Variants in CSNK2A2IP observed in about 807,000 individuals in gnomAD.
CSNK2A2IP encodes the protein casein kinase II subunit alpha'-interacting protein.
the CSNK2A2IP span, among the ~76,000 whole-genome samples, chr3:88,382,282 T>C: frequency 2.0e-5 from 3 of 152,162 alleles, no homozygotes; most frequent in Admixed American, 1.3e-4. Context: ...GACATCAGTA[T>C]TGAGGAAATG....
the CSNK2A2IP span, among the ~76,000 whole-genome samples, chr3:88,449,882 G>T: frequency 1.1e-3 from 153 of 137,918 alleles, 1 homozygote; most frequent in African/African-American, 3.8e-3. Context: ...TATAGAGAGA[G>T]AGAGAGAGAG....
At chr3:88,398,210 T>A in the CSNK2A2IP span, among the ~76,000 whole-genome samples, 1,814 of 152,234 alleles carry the variant, frequency 0.012, 33 homozygotes, top group African/African-American at 0.042. Flanking sequence ...TTATGCAAAA[T>A]GTCTATGGAA....
the CSNK2A2IP span, among the ~76,000 whole-genome samples, chr3:88,403,668 A>G: frequency 2.0e-5 from 3 of 152,246 alleles, no homozygotes; most frequent in East Asian, 5.8e-4. Context: ...ATTATCTTGT[A>G]TGATTTTAGC....
the CSNK2A2IP span, among the ~76,000 whole-genome samples, chr3:88,368,582 C>T: frequency 5.9e-5 from 9 of 151,884 alleles, no homozygotes; most frequent in Admixed American, 5.3e-4. Context: ...TGATTTCCTC[C>T]ACAAGAAACA....
At chr3:88,441,498 T>C in the CSNK2A2IP span, among the ~76,000 whole-genome samples, 1 of 152,154 alleles carries the variant, frequency 6.6e-6, no homozygotes, top group African/African-American at 2.4e-5. Context: ...TACATTTCCA[T>C]GATTGATTAT....
At chr3:88,427,822 T>C in the CSNK2A2IP span, among the ~76,000 whole-genome samples, 1 of 152,152 alleles carries the variant, frequency 6.6e-6, no homozygotes, top group Non-Finnish European at 1.5e-5. Context: ...GGAGCTCTCA[T>C]GAAGAACCTC....
chr3:88,430,917 C>G, the CSNK2A2IP span, among the ~76,000 whole-genome samples: 1 of 152,198 alleles, frequency 6.6e-6, no homozygotes, highest in South Asian at 2.1e-4. Flanking sequence ...AACAAATGAG[C>G]TGTCTTCTAA....
At chr3:88,453,559 T>C in the CSNK2A2IP span, among the ~76,000 whole-genome samples, 1 of 152,076 alleles carries the variant, frequency 6.6e-6, no homozygotes, top group African/African-American at 2.4e-5. Flanking sequence ...CCTGAAGGAC[T>C]ATATCTTAGA....
chr3:88,437,326 C>T, the CSNK2A2IP span, among the ~76,000 whole-genome samples: 1 of 152,172 alleles, frequency 6.6e-6, no homozygotes, highest in East Asian at 1.9e-4. Flanking sequence ...GGGCCATTAA[C>T]AGAGTTAGAC....
At chr3:88,465,939 C>T in the CSNK2A2IP span, 1 of 1,231,628 alleles carries the variant, frequency 8.1e-7, no homozygotes, top group Non-Finnish European at 1.0e-6. Flanking sequence ...AAATACCTTC[C>T]ATAAACATCA....
the CSNK2A2IP span, among the ~76,000 whole-genome samples, chr3:88,449,724 C>T: frequency 7.1e-6 from 1 of 141,252 alleles, no homozygotes; most frequent in African/African-American, 2.6e-5. Flanking sequence ...CCACACTTTC[C>T]TCAATGATAA....
chr3:88,405,505 A>G, the CSNK2A2IP span, among the ~76,000 whole-genome samples: 5 of 152,178 alleles, frequency 3.3e-5, no homozygotes, highest in Admixed American at 6.6e-5. Flanking sequence ...AAAGCTTGTC[A>G]AAGTAGAGTT....
At chr3:88,378,150 C>A in the CSNK2A2IP span, among the ~76,000 whole-genome samples, 1 of 151,886 alleles carries the variant, frequency 6.6e-6, no homozygotes, top group Non-Finnish European at 1.5e-5. Flanking sequence ...ATTAATGATG[C>A]AATTTTAACT....
At chr3:88,440,115 A>G in the CSNK2A2IP span, among the ~76,000 whole-genome samples, 1 of 152,208 alleles carries the variant, frequency 6.6e-6, no homozygotes, top group Non-Finnish European at 1.5e-5. Context: ...TAAAATTTGT[A>G]AAATAAGTTA....
At chr3:88,466,133 C>G in the CSNK2A2IP span, 1 of 1,231,506 alleles carries the variant, frequency 8.1e-7, no homozygotes, top group African/African-American at 1.6e-5. Context: ...TTTTGGACAT[C>G]ACCTTCTTTC....
the CSNK2A2IP span, among the ~76,000 whole-genome samples, chr3:88,385,119 A>G: frequency 6.6e-6 from 1 of 152,196 alleles, no homozygotes; most frequent in Non-Finnish European, 1.5e-5. Context: ...TCACCTTGGG[A>G]GAGAGTATAA....
the CSNK2A2IP span, among the ~76,000 whole-genome samples, chr3:88,348,430 A>G: frequency 6.6e-6 from 1 of 152,188 alleles, no homozygotes; most frequent in East Asian, 1.9e-4. Context: ...CTTAGACTTC[A>G]AAAGGGCTGT....
At chr3:88,385,409 T>C in the CSNK2A2IP span, among the ~76,000 whole-genome samples, 1 of 152,132 alleles carries the variant, frequency 6.6e-6, no homozygotes, top group Non-Finnish European at 1.5e-5. Flanking sequence ...AAATGAGGAA[T>C]GTAAGTTATG....
chr3:88,379,362 T>C, the CSNK2A2IP span, among the ~76,000 whole-genome samples: 3 of 152,108 alleles, frequency 2.0e-5, no homozygotes, highest in Admixed American at 6.6e-5. Flanking sequence ...GCGGTAGATA[T>C]ACTGGACATT....
Sources: gnomAD v4.1 joint callset for allele counts (sites outside exome capture counted in the v4.1 genomes callset) on GRCh38, gnomAD v4.1.1 for gene constraint, MANE v1.5 for transcripts, NCBI Gene and HGNC (gene_info 2026-07-23, HGNC 2026-07-21) for gene names.